CDKL1: variants seen among roughly 807,000 people sequenced by gnomAD.
CDKL1 encodes the protein cyclin dependent kinase like 1, also known as cyclin-dependent kinase-like 1.
In CDKL1, 41 loss-of-function variants were observed where a neutral mutation model predicts 42.0. The observed-to-expected ratio is 0.98, with a 90% CI of 0.76 to 1.27. The LOEUF is 1.27. Among genes scored for constraint, CDKL1 ranks in the 50% most tolerant of loss-of-function variants. The pLI is 0.00. For missense variants in CDKL1, 394 were observed against 428.4 expected (o/e 0.92, Z 0.71); for synonymous variants, 153 against 158.6 (o/e 0.96, Z 0.26).
chr14:50,359,322 G>C (rs574355702), intron 2 of CDKL1, among the ~76,000 whole-genome samples, 173 bp from the exon 3 acceptor site: 16 of 152,216 alleles, frequency 1.1e-4, no homozygotes, highest in African/African-American at 2.9e-4. Flanking sequence ...TCAGTAGCTT[G>C]TAAGTCAAAG....
At chr14:50,370,126 T>TGA (rs1170222616) in intron 2 of CDKL1, among the ~76,000 whole-genome samples, 1 of 151,728 alleles carries the variant, frequency 6.6e-6, no homozygotes, top group Non-Finnish European at 1.5e-5. Context: ...TGGAGTGCAG[T>TGA]GGCACGATCT....
chr14:50,375,379 G>A (rs562166364), intron 2 of CDKL1, among the ~76,000 whole-genome samples: 1 of 152,362 alleles, frequency 6.6e-6, no homozygotes, highest in South Asian at 2.1e-4. Context: ...AATAATTTAT[G>A]TTGATACTCC....
intron 7 of CDKL1, 68 bp downstream of exon 7, chr14:50,338,879 G>T: frequency 1.0e-6 from 1 of 987,942 alleles, no homozygotes; most frequent in Non-Finnish European, 1.6e-6. Context: ...ATGGGGCTCA[G>T]GAGGTGAATA....
At chr14:50,338,368 C>T (rs1295737476) in intron 7 of CDKL1, among the ~76,000 whole-genome samples, 3 of 152,160 alleles carry the variant, frequency 2.0e-5, no homozygotes, top group African/African-American at 7.2e-5. Context: ...GCTGGGATTA[C>T]AGTCATGTGC....
At chr14:50,392,486 A>G (rs1207204847) in intron 2 of CDKL1, among the ~76,000 whole-genome samples, 2 of 148,698 alleles carry the variant, frequency 1.3e-5, no homozygotes, top group Non-Finnish European at 3.0e-5. Flanking sequence ...TAATAATAAT[A>G]ATAATGAAAG....
At position 50,329,881 on chromosome 14, in the gene CDKL1, A is replaced by G. The variant is rs1455149078; in HGVS notation, c.*193T>C. On this transcript the variant is annotated 3_prime_UTR_variant, in exon 10 of 10. Coordinates refer to ENST00000395834, the MANE Select transcript of CDKL1 (RefSeq NM_004196.7). ...TCCAAACAGGTTTTTTCTTTTCTGGACACCATCATCAAGCATGGAAGACTG... is the reference window on the plus strand; with the variant it reads ...TCCAAACAGGTTTTTTCTTTTCTGGGCACCATCATCAAGCATGGAAGACTG... 16 of 631,306 alleles carry G rather than the reference A, an allele frequency of 2.5e-5. No homozygotes were observed. The highest frequency in any genetic ancestry group is 2.6e-6 in the Non-Finnish European group (1 of 391,252). The allele number at this position is 631,306 out of a possible 1,614,324, so 39.1% of individuals were successfully genotyped here. A position where few individuals can be genotyped will look rare whatever the true frequency, so the allele number is the denominator to read the frequency against.
intron 7 of CDKL1, chr14:50,336,249 C>T: frequency 3.9e-6 from 5 of 1,281,510 alleles, no homozygotes; most frequent in Non-Finnish European, 5.1e-6. Flanking sequence ...ACCAGTGCAG[C>T]CCCCGCACTG....
At chr14:50,337,611 T>C (rs2139383608) in intron 7 of CDKL1, among the ~76,000 whole-genome samples, 1 of 152,018 alleles carries the variant, frequency 6.6e-6, no homozygotes, top group South Asian at 2.1e-4. Context: ...CTCAGTTGTC[T>C]CCTGAGTTGC....
chr14:50,338,495 A>G (rs777278977), intron 7 of CDKL1, among the ~76,000 whole-genome samples: 2 of 152,076 alleles, frequency 1.3e-5, no homozygotes, highest in Non-Finnish European at 2.9e-5. Context: ...GGCCTCCCCA[A>G]AGTACCAGGA....
intron 2 of CDKL1, among the ~76,000 whole-genome samples, chr14:50,365,822 A>G (rs2034421744): frequency 6.6e-6 from 1 of 152,236 alleles, no homozygotes; most frequent in South Asian, 2.1e-4. Flanking sequence ...AGAATAATGC[A>G]GGCACTTGAT....
At chr14:50,358,138 G>C in intron 3 of CDKL1, 5 of 1,340,366 alleles carry the variant, frequency 3.7e-6, no homozygotes, top group Non-Finnish European at 5.0e-6. Flanking sequence ...CAAAGATGTT[G>C]CATATGCTAG....
At chr14:50,362,458 A>G (rs577364328) in intron 2 of CDKL1, 2 of 206,188 alleles carry the variant, frequency 9.7e-6, no homozygotes, top group African/African-American at 4.8e-5. Flanking sequence ...AAACACACCA[A>G]TCAGCACCCT....
intron 6 of CDKL1, among the ~76,000 whole-genome samples, chr14:50,339,724 T>A (rs112929802): frequency 0.015 from 2,346 of 152,282 alleles, 68 homozygotes; most frequent in African/African-American, 0.054. Flanking sequence ...TATTTCTATA[T>A]TTTAGGGGAC....
At chr14:50,352,334 A>AT (rs1401651221) in intron 3 of CDKL1, among the ~76,000 whole-genome samples, 122 of 150,730 alleles carry the variant, frequency 8.1e-4, no homozygotes, top group African/African-American at 3.0e-3. Context: ...TTATAAGAAA[A>AT]AATATATATA....
intron 6 of CDKL1, among the ~76,000 whole-genome samples, chr14:50,340,437 GC>G (rs2033470688): frequency 6.6e-6 from 1 of 152,154 alleles, no homozygotes; most frequent in Non-Finnish European, 1.5e-5. Context: ...TTGGAAGAGG[GC>G]AATCACTACT....
intron 7 of CDKL1, among the ~76,000 whole-genome samples, chr14:50,338,252 T>G (rs2033381305): frequency 6.6e-6 from 1 of 152,142 alleles, no homozygotes; most frequent in Non-Finnish European, 1.5e-5. Flanking sequence ...AGAGTCTTGC[T>G]CTGTCGCCCA....
intron 3 of CDKL1, among the ~76,000 whole-genome samples, chr14:50,357,714 A>G (rs1054252649): frequency 1.3e-5 from 2 of 151,512 alleles, no homozygotes; most frequent in African/African-American, 2.4e-5. Flanking sequence ...AGCTGAGCCA[A>G]TCGGAGTTCC....
At chr14:50,363,284 G>A (rs1018476590) in intron 2 of CDKL1, 7 of 188,942 alleles carry the variant, frequency 3.7e-5, no homozygotes, top group Non-Finnish European at 6.7e-5. Context: ...TTCCAGACAC[G>A]TTTGGATCTT....
intron 2 of CDKL1, chr14:50,362,911 G>A (rs746934804): frequency 4.0e-5 from 18 of 451,230 alleles, no homozygotes; most frequent in South Asian, 2.8e-4. Flanking sequence ...TTCACACTGT[G>A]GAAGCTTTGT....
Sources: allele counts gnomAD v4.1 joint callset (sites outside exome capture counted in the v4.1 genomes callset), GRCh38; gene constraint gnomAD v4.1.1; transcripts MANE v1.5; gene names NCBI Gene and HGNC (gene_info 2026-07-23, HGNC 2026-07-21).